Variants in TRAK1 observed in about 807,000 individuals in gnomAD.
The protein encoded by TRAK1 is trafficking kinesin-binding protein 1.
Under a neutral mutation model 92.1 loss-of-function variants are expected in TRAK1, and 33 were observed. The ratio of observed to expected loss-of-function variants is 0.36; its 90% CI spans 0.27 to 0.48. TRAK1 has a LOEUF of 0.48. TRAK1 is among the 20% of genes least tolerant of loss of function. The pLI is 0.99. For missense variants in TRAK1, 1,123 were observed against 1,257.9 expected (o/e 0.89, Z 1.62); for synonymous variants, 521 against 517.3 (o/e 1.01, Z -0.10).
intron 11 of TRAK1, among the ~76,000 whole-genome samples, chr3:42,199,535 A>G (rs1000440189): frequency 6.6e-6 from 1 of 152,218 alleles, no homozygotes; most frequent in African/African-American, 2.4e-5. Context: ...AGCTCACTGC[A>G]GCCTCGAACT....
rs148391440 is a variant in TRAK1, at chr3:42,036,834, C to T, written c.-519+22717C>T. Among the ~76,000 whole-genome samples the T allele has an allele frequency of 4.8e-4, 73 of 152,304 alleles. No homozygotes were observed. In the East Asian group the frequency reaches 0.013, roughly 28 times the overall value. ...GTGCAATCATAGCTCACTGTAGCCT[C>T]GAACTTTGGGGCTCAAGCAGTCCTC... is the stretch of plus-strand genomic sequence containing the variant. On this transcript the variant is annotated intron_variant, in intron 1 of 16. Transcript: ENST00000487159.
At chr3:42,029,278 A>C (rs1283985202) in intron 1 of TRAK1, among the ~76,000 whole-genome samples, 1 of 152,148 alleles carries the variant, frequency 6.6e-6, no homozygotes, top group Non-Finnish European at 1.5e-5. Context: ...TTGCTCTGTC[A>C]CCCAGGCTGG....
At chr3:42,053,695 C>T (rs1703080553) in intron 1 of TRAK1, among the ~76,000 whole-genome samples, 1 of 152,084 alleles carries the variant, frequency 6.6e-6, no homozygotes, top group Non-Finnish European at 1.5e-5. Context: ...CTGGGCTGGT[C>T]AAGTAGAGTA....
At chr3:42,056,946 CAGTT>C (rs1703227525) in intron 1 of TRAK1, among the ~76,000 whole-genome samples, 1 of 152,244 alleles carries the variant, frequency 6.6e-6, no homozygotes, top group South Asian at 2.1e-4. Context: ...AAAATTGCCT[CAGTT>C]AGAGGAGCCA....
chr3:42,161,601 G>T (rs1436522709), intron 2 of TRAK1, among the ~76,000 whole-genome samples: 1 of 152,152 alleles, frequency 6.6e-6, no homozygotes, highest in Non-Finnish European at 1.5e-5. Context: ...GCCCAGGCTG[G>T]AACTTTTGTT....
chr3:42,133,719 G>A (rs1171000205), intron 2 of TRAK1, among the ~76,000 whole-genome samples: 1 of 152,118 alleles, frequency 6.6e-6, no homozygotes. Context: ...ACTTGCCAGC[G>A]TTGTGCTAAA....
intron 3 of TRAK1, among the ~76,000 whole-genome samples, chr3:42,181,615 A>G (rs924511309): frequency 7.2e-5 from 11 of 152,242 alleles, no homozygotes; most frequent in Non-Finnish European, 1.6e-4. Flanking sequence ...GCCTGGATGC[A>G]TGAAGGCAAT....
intron 2 of TRAK1, among the ~76,000 whole-genome samples, chr3:42,172,190 C>G (rs777346041): frequency 6.6e-6 from 1 of 152,208 alleles, no homozygotes; most frequent in East Asian, 1.9e-4. Flanking sequence ...TCAGGCAGAC[C>G]TCCTGCCACT....
chr3:42,116,165 G>A (rs1390828420), intron 1 of TRAK1, among the ~76,000 whole-genome samples: 1 of 152,224 alleles, frequency 6.6e-6, no homozygotes, highest in Non-Finnish European at 1.5e-5. Flanking sequence ...GCTACATCCC[G>A]AGGCCTCTTG....
intron 14 of TRAK1, 132 bp from the exon 15 acceptor site, chr3:42,219,362 A>T (rs370922501): frequency 3.2e-6 from 5 of 1,561,306 alleles, no homozygotes; most frequent in South Asian, 2.4e-5. Context: ...TTTGCGTTTC[A>T]CCTTCCTCGC....
chr3:42,055,210 G>A (rs1034130112), intron 1 of TRAK1, among the ~76,000 whole-genome samples: 3 of 152,002 alleles, frequency 2.0e-5, no homozygotes, highest in African/African-American at 7.2e-5. Context: ...GTGAGCCACT[G>A]CACCCAGCCT....
intron 2 of TRAK1, among the ~76,000 whole-genome samples, chr3:42,153,129 A>G (rs908508398): frequency 6.6e-6 from 1 of 152,206 alleles, no homozygotes; most frequent in African/African-American, 2.4e-5. Flanking sequence ...GGGGCCTGGT[A>G]TAGTGTGTCA....
chr3:42,128,391 G>A (rs1239441653), intron 2 of TRAK1, among the ~76,000 whole-genome samples: 1 of 152,188 alleles, frequency 6.6e-6, no homozygotes, highest in Non-Finnish European at 1.5e-5. Context: ...TTGCCTCCAA[G>A]CCTTAACTTA....
Position 42,224,529 on chromosome 3 carries a change from G to T in TRAK1, c.*792G>T. The T allele has an allele frequency of 6.3e-6, 1 of 159,350 alleles. No homozygotes were observed. The highest frequency in any genetic ancestry group is 1.4e-5 in the Non-Finnish European group (1 of 73,124). 9.9% of individuals were successfully genotyped at this position (159,350 alleles called of 1,614,324 possible). ...TTACATATATATGCAGGGAAGTAAT[G>T]GTACTGGTAGTGTATGTTTTCTATG... On this transcript the variant is annotated 3_prime_UTR_variant, in exon 16 of 16. Transcript: ENST00000327628.
At chr3:42,092,503 A>G (rs1705206545) in intron 1 of TRAK1, among the ~76,000 whole-genome samples, 1 of 152,276 alleles carries the variant, frequency 6.6e-6, no homozygotes, top group East Asian at 1.9e-4. Flanking sequence ...GTTTATGTTA[A>G]TTCCTGGGGT....
intron 4 of TRAK1, 101 bp downstream of exon 4, chr3:42,184,902 G>A: frequency 8.3e-7 from 1 of 1,199,930 alleles, no homozygotes; most frequent in Non-Finnish European, 1.2e-6. Flanking sequence ...TAGTTGGAAG[G>A]ACGCTCCCGA....
chr3:42,162,088 G>C (rs1047856467), intron 2 of TRAK1, among the ~76,000 whole-genome samples: 3 of 152,134 alleles, frequency 2.0e-5, no homozygotes, highest in African/African-American at 7.2e-5. Context: ...TGATGGGCAC[G>C]CATGTTAAAG....
Position 42,202,362 on chromosome 3 carries a change from G to T in TRAK1, c.1428-74G>T, listed in dbSNP as rs1707749747. 2.1e-6 allele frequency: 3 copies of T among 1,399,700 alleles called. No individual in the cohort carries two copies. The East Asian group carries it at 7.4e-5, about 35-fold the overall frequency. The allele number at this position is 1,399,700 out of a possible 1,614,324, so 86.7% of individuals were successfully genotyped here. ...AGCCCCAGGGAACGTCCACCGCTGT[G>T]CATTGAGCAGTCGGGCCTCTGTGGC... is the stretch of plus-strand genomic sequence containing the variant. On this transcript the variant is annotated intron_variant, in intron 12 of 15. Coordinates refer to ENST00000327628, the MANE Select transcript of TRAK1 (RefSeq NM_001042646.3). The surrounding 1 kb of genome is among the most constrained non-coding windows in gnomAD (Gnocchi z 6.1).
chr3:42,197,225 C>G (rs1435738124), intron 10 of TRAK1, among the ~76,000 whole-genome samples: 1 of 152,076 alleles, frequency 6.6e-6, no homozygotes, highest in African/African-American at 2.4e-5. Context: ...ACAGTCATCC[C>G]TGAGTATCTG....
Sources: gnomAD v4.1 joint callset for allele counts (sites outside exome capture counted in the v4.1 genomes callset) on GRCh38, gnomAD v4.1.1 for gene constraint, Gnocchi (gnomAD v3.1) non-coding constraint, MANE v1.5 for transcripts, NCBI Gene and HGNC (gene_info 2026-07-23, HGNC 2026-07-21) for gene names.